The following C11orf65 variants were observed in gnomAD, a reference collection of about 807,000 sequenced individuals.
C11orf65 encodes the protein protein MFI.
A neutral mutation model predicts 35.3 loss-of-function variants in C11orf65; 38 were observed. That is an observed-to-expected ratio of 1.08 (90% CI 0.83 to 1.41). The LOEUF (loss-of-function observed/expected upper bound fraction) is 1.41. C11orf65 is among the 40% of genes most tolerant of loss of function. C11orf65 has a pLI of 0.00. For synonymous variants in C11orf65, 105 were observed against 114.4 expected, an observed-to-expected ratio of 0.92 and a Z score of 0.53; for missense variants, 370 against 367.1, an observed-to-expected ratio of 1.01 and a Z score of -0.06.
At position 108,437,533 on chromosome 11, in the gene C11orf65, G is replaced by A. The variant is rs576832252; in HGVS notation, c.82-5695C>T. ...ATCCTGGCCAACATGGTGAAACCCCGTCTCTACTAAGCATACAAAAATTAG... is the reference window on the plus strand; with the variant it reads ...ATCCTGGCCAACATGGTGAAACCCCATCTCTACTAAGCATACAAAAATTAG... On this transcript the variant is annotated intron_variant, in intron 2 of 8. Transcript: ENST00000393084. Among the ~76,000 whole-genome samples the A allele has an allele frequency of 1.5e-4, 22 of 151,462 alleles. No individual in the cohort carries two copies. In the East Asian group the frequency reaches 1.9e-3, roughly 13 times the overall value.
intron 3 of C11orf65, among the ~76,000 whole-genome samples, chr11:108,417,212 CAA>C (rs1565669939): frequency 6.6e-6 from 1 of 152,008 alleles, no homozygotes; most frequent in Non-Finnish European, 1.5e-5. Flanking sequence ...TGACAAAAGA[CAA>C]AGAGTATCCT....
Position 108,325,450 on chromosome 11 carries a change from A to C in C11orf65, c.641-16379T>G, listed in dbSNP as rs1591129372. 1.2e-6 allele frequency: 2 copies of C among 1,613,842 alleles called. No homozygotes were observed. The highest frequency in any genetic ancestry group is 2.7e-5 in the African/African-American group (2 of 75,022). On this transcript the variant is annotated intron_variant, in intron 6 of 6. Transcript: ENST00000525729. ...ATTTTGGAGATCCTGATGGAAAAGGAAATGGACAACTCACAAAGAGAATGT... is the reference window on the plus strand; with the variant it reads ...ATTTTGGAGATCCTGATGGAAAAGGCAATGGACAACTCACAAAGAGAATGT...
At chr11:108,328,286 G>A (rs561011594), downstream of C11orf65, among the ~76,000 whole-genome samples, 3 of 152,064 alleles carry the variant, frequency 2.0e-5, no homozygotes, top group Admixed American at 6.6e-5. Context: ...TCTCTCTGTC[G>A]CCCAAGCTGG....
intron 6 of C11orf65, among the ~76,000 whole-genome samples, chr11:108,400,871 C>T (rs1420633378): frequency 1.3e-5 from 2 of 152,192 alleles, no homozygotes; most frequent in Non-Finnish European, 2.9e-5. Context: ...CTTTGGGAGG[C>T]CGAGGCAGGC....
intron 3 of C11orf65, chr11:108,332,690 T>C: frequency 6.6e-7 from 1 of 1,507,908 alleles, no homozygotes; most frequent in Non-Finnish European, 9.0e-7. Flanking sequence ...TTTTTCTCTT[T>C]GTTTTTCTAA....
chr11:108,452,990 G>T (rs949930614), intron 2 of C11orf65, among the ~76,000 whole-genome samples: 15 of 126,588 alleles, frequency 1.2e-4, no homozygotes, highest in African/African-American at 4.1e-4. Flanking sequence ...TCACACACCA[G>T]GGCCTGTCGT....
At chr11:108,309,464 A>G (rs1320058681) in intron 6 of C11orf65, among the ~76,000 whole-genome samples, 2 of 152,208 alleles carry the variant, frequency 1.3e-5, no homozygotes, top group African/African-American at 4.8e-5. Flanking sequence ...TAAGGAAACT[A>G]GGAAACTGAG....
At chr11:108,396,870 T>TAAATA (rs1555162894) in intron 6 of C11orf65, among the ~76,000 whole-genome samples, 96 of 144,970 alleles carry the variant, frequency 6.6e-4, no homozygotes, top group South Asian at 1.5e-3. Flanking sequence ...AATAAATAAA[T>TAAATA]AAATAAAATA....
chr11:108,461,842 G>T (rs1051695398), intron 1 of C11orf65, among the ~76,000 whole-genome samples: 1 of 151,386 alleles, frequency 6.6e-6, no homozygotes, highest in Non-Finnish European at 1.5e-5. Flanking sequence ...TTGCTATGTT[G>T]CCCAGGCTGG....
intron 7 of C11orf65, 108 bp from the exon 8 acceptor site, chr11:108,386,083 T>C (rs2091993056): frequency 2.3e-6 from 2 of 864,646 alleles, no homozygotes; most frequent in Admixed American, 4.1e-5. Context: ...TGATGGCATG[T>C]TCACTAGCCT....
chr11:108,453,267 A>C (rs889318780), intron 2 of C11orf65, among the ~76,000 whole-genome samples: 1 of 152,144 alleles, frequency 6.6e-6, no homozygotes, highest in African/African-American at 2.4e-5. Flanking sequence ...AAAAGTTAAT[A>C]GAGAAGAAAA....
chr11:108,365,307 TTG>T lies in C11orf65; in HGVS notation c.226+27899_226+27900del. On this transcript the variant is annotated intron_variant, in intron 2 of 3. Transcript: ENST00000524755. The stretch of plus-strand genomic sequence containing the variant: ...TAAACTGTTCACCTCACTGAAACCT[TTG>T]TGTTTTTGTCCTTAGTGATATTGAC... The T allele has an allele frequency of 6.2e-7, 1 of 1,614,138 alleles. No homozygotes were observed. Among genetic ancestry groups the T allele is most frequent in the Non-Finnish European group, 8.5e-7 (1 of 1,180,004 alleles).
chr11:108,413,051 A>G (rs1356473471), intron 3 of C11orf65, among the ~76,000 whole-genome samples: 1 of 152,212 alleles, frequency 6.6e-6, no homozygotes, highest in Non-Finnish European at 1.5e-5. Flanking sequence ...ATTGAACTGA[A>G]CAGCAGCATA....
chr11:108,445,278 T>A (rs1483918206), intron 2 of C11orf65, among the ~76,000 whole-genome samples: 1 of 152,158 alleles, frequency 6.6e-6, no homozygotes, highest in Non-Finnish European at 1.5e-5. Flanking sequence ...AGCATGCAGC[T>A]GGAGATCTGA....
intron 2 of C11orf65, among the ~76,000 whole-genome samples, chr11:108,452,517 T>A (rs528453545): frequency 6.6e-6 from 1 of 152,138 alleles, no homozygotes; most frequent in Admixed American, 6.5e-5. Flanking sequence ...CTGGAGAGGA[T>A]GTGGAGAAAT....
chr11:108,332,163 C>A, intron 3 of C11orf65: 1 of 1,241,442 alleles, frequency 8.1e-7, no homozygotes, highest in Non-Finnish European at 1.1e-6. Context: ...CACGGTGGCT[C>A]ACGCCTGTAA....
chr11:108,406,706 A>T, intron 5 of C11orf65, 57 bp downstream of exon 5: 1 of 1,095,796 alleles, frequency 9.1e-7, no homozygotes, highest in Non-Finnish European at 1.3e-6. Context: ...AATTTTTGAA[A>T]AGACAAATGG....
intron 2 of C11orf65, among the ~76,000 whole-genome samples, chr11:108,451,670 G>T (rs907712688): frequency 6.6e-6 from 1 of 152,066 alleles, no homozygotes; most frequent in African/African-American, 2.4e-5. Context: ...AAGTTCACAT[G>T]GAACCAAAAA....
intron 2 of C11orf65, among the ~76,000 whole-genome samples, chr11:108,370,620 TTG>T (rs2091540778): frequency 5.3e-5 from 8 of 151,408 alleles, no homozygotes; most frequent in Admixed American, 2.6e-4. Context: ...GGGTTTTGTT[TTG>T]TTTTTTTTTA....
Sources: gnomAD v4.1 joint callset for allele counts (sites outside exome capture counted in the v4.1 genomes callset) on GRCh38, gnomAD v4.1.1 for gene constraint, MANE v1.5 for transcripts, NCBI Gene and HGNC (gene_info 2026-07-23, HGNC 2026-07-21) for gene names.